The following ATP11C variants were observed in gnomAD, a reference collection of about 807,000 sequenced individuals.
The protein encoded by ATP11C is ATPase phospholipid transporting 11C (ATP11C blood group).
A neutral mutation model predicts 97.4 loss-of-function variants in ATP11C; 36 were observed. The ratio of observed to expected loss-of-function variants is 0.37; its 90% CI spans 0.28 to 0.49. The LOEUF is 0.49. Ranked by LOEUF, ATP11C falls within the 20% of genes least tolerant of loss-of-function variation. The pLI, the probability that ATP11C is intolerant of heterozygous loss-of-function variation, is 0.98. For synonymous variants in ATP11C, 275 were observed against 290.9 expected (o/e 0.95, Z 0.56); for missense variants, 730 against 824.6 (o/e 0.89, Z 1.40).
At chrX:139,800,342 A>G (rs753585332) in intron 7 of ATP11C, among the ~76,000 whole-genome samples, 3 of 112,312 alleles carry the variant, frequency 2.7e-5, no homozygotes, top group Non-Finnish European at 3.8e-5. Context: ...AGGAGCAGAA[A>G]CAAAGGTTCT....
chrX:139,934,608 A>G (rs1251656755), upstream of ATP11C, among the ~76,000 whole-genome samples: 3 of 95,194 alleles, frequency 3.2e-5, no homozygotes, highest in African/African-American at 1.2e-4. Flanking sequence ...GCTGGAGTGC[A>G]GTGGCGCGAT....
chrX:139,864,255 G>GTA (rs1384395710), intron 1 of ATP11C, among the ~76,000 whole-genome samples: 2 of 111,573 alleles, frequency 1.8e-5, no homozygotes, highest in African/African-American at 6.5e-5. Context: ...TGCTCATTTA[G>GTA]TATACTTTAC....
At chrX:139,836,022 A>G (rs1346291901) in intron 1 of ATP11C, among the ~76,000 whole-genome samples, 1 of 41,546 alleles carries the variant, frequency 2.4e-5, no homozygotes, top group Non-Finnish European at 4.2e-5. Context: ...GCGAGACTCC[A>G]TCTCAAAAAA....
rs765107168 is a variant in ATP11C at position 139,788,321 on chromosome X, C to T, written c.1391G>A (p.Arg464His). The T allele has an allele frequency of 2.2e-5, 26 of 1,202,822 alleles. No individual in the cohort carries two copies. The highest frequency in any genetic ancestry group is 1.2e-4 in the East Asian group (4 of 33,628). The change falls in exon 14 of 30, where the codon CGT becomes CAT. Residue 464 changes from arginine (R) to histidine (H), a missense_variant. Transcript: ENST00000682941. ...VDKNREELFL[R>H]ALCLCHTVEI... ...TACAGTATGACATAAACACAAGGCA[C>T]GTAGAAACAGCTCTTCTCGATTCTG...
intron 1 of ATP11C, among the ~76,000 whole-genome samples, chrX:139,869,097 A>C (rs1481231159): frequency 8.9e-6 from 1 of 112,450 alleles, no homozygotes; most frequent in African/African-American, 3.2e-5. Flanking sequence ...ATTACCATAC[A>C]ATCCAGCAAT....
intron 1 of ATP11C, among the ~76,000 whole-genome samples, chrX:139,871,216 T>C (rs2084371328): frequency 9.1e-6 from 1 of 109,490 alleles, no homozygotes; most frequent in Non-Finnish European, 1.9e-5. Context: ...TTCTGTAATT[T>C]TTTTTTTTTG....
intron 1 of ATP11C, among the ~76,000 whole-genome samples, chrX:139,922,824 A>G (rs2085288848): frequency 9.0e-6 from 1 of 111,314 alleles, no homozygotes; most frequent in African/African-American, 3.3e-5. Context: ...GTCTCGCTCT[A>G]TTACTCAGGC....
At chrX:139,863,463 G>C (rs1455902121) in intron 1 of ATP11C, among the ~76,000 whole-genome samples, 1 of 111,413 alleles carries the variant, frequency 9.0e-6, no homozygotes, top group South Asian at 3.8e-4. Context: ...AACCCAGGGG[G>C]AGGAGGTTGC....
chrX:139,847,901 T>G (rs1057364741), intron 1 of ATP11C, among the ~76,000 whole-genome samples: 1 of 111,017 alleles, frequency 9.0e-6, no homozygotes, highest in Non-Finnish European at 1.9e-5. Context: ...TGCCTCCCCC[T>G]TGCTTATAGA....
intron 1 of ATP11C, among the ~76,000 whole-genome samples, chrX:139,902,297 T>G (rs1041920202): frequency 9.0e-6 from 1 of 110,957 alleles, no homozygotes; most frequent in African/African-American, 3.3e-5. Context: ...CCGACCACCT[T>G]GCACACATAT....
At chrX:139,915,903 A>G (rs1370532681) in intron 1 of ATP11C, among the ~76,000 whole-genome samples, 5 of 111,490 alleles carry the variant, frequency 4.5e-5, no homozygotes, top group African/African-American at 1.6e-4. Context: ...AACTAAAATC[A>G]TAATTTAAAA....
At chrX:139,875,579 AAAGT>A (rs2084459210) in intron 1 of ATP11C, among the ~76,000 whole-genome samples, 1 of 110,968 alleles carries the variant, frequency 9.0e-6, no homozygotes, top group African/African-American at 3.3e-5. Flanking sequence ...CCTGGGCAGC[AAAGT>A]AAGACCCTGT....
At chrX:139,795,732 T>C (rs1014766554) in intron 12 of ATP11C, among the ~76,000 whole-genome samples, 3 of 111,754 alleles carry the variant, frequency 2.7e-5, no homozygotes, top group East Asian at 2.8e-4. Context: ...CTGGGTTACA[T>C]TGGTATATAA....
intron 1 of ATP11C, among the ~76,000 whole-genome samples, chrX:139,887,521 G>A (rs974101038): frequency 1.2e-4 from 13 of 110,513 alleles, no homozygotes; most frequent in African/African-American, 3.3e-4. Flanking sequence ...CCAGCTACTC[G>A]GGAGGCTGAG....
chrX:139,787,400 C>T (rs1271845715), intron 14 of ATP11C, among the ~76,000 whole-genome samples, 156 bp from the exon 15 acceptor site: 1 of 111,458 alleles, frequency 9.0e-6, no homozygotes, highest in Non-Finnish European at 1.9e-5. Context: ...CAGTTTCAAG[C>T]GATTCTCCTG....
chrX:139,791,729 G>A (rs1197633284), intron 12 of ATP11C, among the ~76,000 whole-genome samples: 2 of 110,901 alleles, frequency 1.8e-5, no homozygotes. Context: ...TAGATCGACT[G>A]TAATTAATTT....
Position 139,932,738 on chromosome X carries a change from C to G in ATP11C, c.-696G>C, listed in dbSNP as rs2148205243. ...CTGGTCCCGCACTCGGGCCAGGGAGCCTGGGTACAGCCAACCGGCCCGCCC... is the reference window on the plus strand; with the variant it reads ...CTGGTCCCGCACTCGGGCCAGGGAGGCTGGGTACAGCCAACCGGCCCGCCC... On this transcript the variant is annotated 5_prime_UTR_variant, in exon 1 of 30. Coordinates refer to ENST00000682941, the MANE Select transcript of ATP11C (RefSeq NM_001353812.2). The G allele has an allele frequency of 1.8e-5, 2 of 112,310 alleles. No homozygotes were observed. Among genetic ancestry groups the G allele is most frequent in the South Asian group, 7.2e-4 (2 of 2,769 alleles). The allele number at this position is 112,310 out of a possible 1,213,427, so 9.3% of individuals were successfully genotyped here.
At chrX:139,752,055 C>G (rs911295985) in intron 23 of ATP11C, among the ~76,000 whole-genome samples, 1 of 111,367 alleles carries the variant, frequency 9.0e-6, no homozygotes, top group African/African-American at 3.3e-5. Flanking sequence ...CCTGAGCTCT[C>G]CTGGTACTCT....
intron 1 of ATP11C, among the ~76,000 whole-genome samples, chrX:139,870,823 G>A (rs2084360559): frequency 1.8e-5 from 2 of 111,780 alleles, no homozygotes; most frequent in African/African-American, 3.3e-5. Flanking sequence ...TTGGGAGGCC[G>A]AGGCGGGTGG....
Sources: gnomAD v4.1 joint callset for allele counts (sites outside exome capture counted in the v4.1 genomes callset) on GRCh38, gnomAD v4.1.1 for gene constraint, MANE v1.5 for transcripts, NCBI Gene and HGNC (gene_info 2026-07-23, HGNC 2026-07-21) for gene names.